Variants in ZSWIM6 observed in about 807,000 individuals in gnomAD.
ZSWIM6 encodes zinc finger SWIM-type containing 6.
A neutral mutation model predicts 113.2 loss-of-function variants in ZSWIM6; 9 were observed. That is an observed-to-expected ratio of 0.08 (90% CI 0.05 to 0.14). The LOEUF is 0.14. Among genes scored for constraint, ZSWIM6 ranks in the 10% least tolerant of loss-of-function variants. ZSWIM6 has a pLI of 1.00. For missense variants in ZSWIM6, 1,162 were observed against 1,552.2 expected, an observed-to-expected ratio of 0.75 and a Z score of 4.22; for synonymous variants, 611 against 606.5, an observed-to-expected ratio of 1.01 and a Z score of -0.11.
At chr5:61,392,654 G>T (rs1745747098) in intron 1 of ZSWIM6, among the ~76,000 whole-genome samples, 1 of 151,894 alleles carries the variant, frequency 6.6e-6, no homozygotes, top group Non-Finnish European at 1.5e-5. Context: ...GTGTTTTTAC[G>T]CAGGCTGGAG....
At position 61,414,422 on chromosome 5, in the gene ZSWIM6, G is replaced by T. The variant is rs1248635081; in HGVS notation, c.677-58259G>T. ...CAGTTTTGGGACGTGACAAATCAAGGGTTTAGTTTTGGACCTGAGTCTGAG... is the reference window on the plus strand; with the variant it reads ...CAGTTTTGGGACGTGACAAATCAAGTGTTTAGTTTTGGACCTGAGTCTGAG... On this transcript the variant is annotated intron_variant, in intron 1 of 13. Transcript: ENST00000252744. Among the ~76,000 whole-genome samples, 5 of 152,122 alleles carry T rather than the reference G, an allele frequency of 3.3e-5. 1 individual carries two copies. The highest frequency in any genetic ancestry group is 2.6e-4 in the Admixed American group (4 of 15,270).
chr5:61,531,461 G>T lies in ZSWIM6; in HGVS notation c.1985-4G>T. 1 of 1,532,466 alleles carries T rather than the reference G, an allele frequency of 6.5e-7. No individual in the cohort carries two copies. Among genetic ancestry groups the T allele is most frequent in the African/African-American group, 1.4e-5 (1 of 72,724 alleles). 94.9% of individuals were successfully genotyped at this position (1,532,466 alleles called of 1,614,324 possible). Reference sequence around the variant, plus strand: ...GCTCTGATTTCTTTTGTGGCATTTTGCAGAGAATATGGGACAGTGCAAGTC... The same window carrying T: ...GCTCTGATTTCTTTTGTGGCATTTTTCAGAGAATATGGGACAGTGCAAGTC... On this transcript the variant is annotated splice_polypyrimidine_tract_variant and splice_region_variant and intron_variant, in intron 8 of 13. Coordinates refer to ENST00000252744, the MANE Select transcript of ZSWIM6 (RefSeq NM_020928.2).
intron 1 of ZSWIM6, among the ~76,000 whole-genome samples, chr5:61,429,926 G>T (rs571691574): frequency 1.3e-5 from 2 of 152,334 alleles, no homozygotes; most frequent in Non-Finnish European, 2.9e-5. Context: ...GAATCATTTA[G>T]ATACATGAAT....
intron 8 of ZSWIM6, among the ~76,000 whole-genome samples, chr5:61,530,676 T>G (rs1749406684): frequency 6.6e-6 from 1 of 152,224 alleles, no homozygotes; most frequent in Non-Finnish European, 1.5e-5. Context: ...TTGAAAGCTG[T>G]GTTTTGAGAT....
At chr5:61,473,131 A>C (rs889441255) in intron 2 of ZSWIM6, 94 bp downstream of exon 2, 147 of 799,470 alleles carry the variant, frequency 1.8e-4, no homozygotes, top group Non-Finnish European at 2.6e-4. Context: ...TAAATGTGAA[A>C]TAGATCATCA....
intron 1 of ZSWIM6, among the ~76,000 whole-genome samples, chr5:61,427,797 A>G (rs142283028): frequency 0.015 from 2,331 of 152,262 alleles, 25 homozygotes; most frequent in Non-Finnish European, 0.026. Context: ...AATATTTTAA[A>G]TCTATGGTTG....
At chr5:61,541,364 A>AT (rs961181603) in intron 12 of ZSWIM6, among the ~76,000 whole-genome samples, 31 of 152,310 alleles carry the variant, frequency 2.0e-4, no homozygotes, top group African/African-American at 6.0e-4. Context: ...ATCAAGGATG[A>AT]TTTTTTCCCC....
intron 1 of ZSWIM6, among the ~76,000 whole-genome samples, chr5:61,450,692 A>G (rs1747067485): frequency 6.6e-6 from 1 of 152,202 alleles, no homozygotes; most frequent in African/African-American, 2.4e-5. Flanking sequence ...GTTACTAAAT[A>G]CAGGACTCCA....
chr5:61,348,878 C>A (rs1239869258), intron 1 of ZSWIM6, among the ~76,000 whole-genome samples: 1 of 152,114 alleles, frequency 6.6e-6, no homozygotes, highest in East Asian at 1.9e-4. Context: ...TAGAACAATC[C>A]CTTCTGTAAG....
chr5:61,540,891 T>G (rs1011511322), intron 12 of ZSWIM6, among the ~76,000 whole-genome samples: 27 of 150,976 alleles, frequency 1.8e-4, no homozygotes, highest in Non-Finnish European at 2.9e-4. Context: ...CCTCTGGGGA[T>G]ATGATGTCCC....
chr5:61,471,403 G>C (rs1464946943), intron 1 of ZSWIM6, among the ~76,000 whole-genome samples: 23 of 152,186 alleles, frequency 1.5e-4, no homozygotes, highest in Admixed American at 1.5e-3. Context: ...GCATGGAGGA[G>C]TTGTCCTCTG....
chr5:61,465,086 G>A (rs1747408595), intron 1 of ZSWIM6, among the ~76,000 whole-genome samples: 1 of 152,172 alleles, frequency 6.6e-6, no homozygotes, highest in Non-Finnish European at 1.5e-5. Flanking sequence ...CTTTAAGAAG[G>A]GTGGAAGGCC....
chr5:61,445,840 G>T (rs1157133834), intron 1 of ZSWIM6, among the ~76,000 whole-genome samples: 1 of 152,054 alleles, frequency 6.6e-6, no homozygotes, highest in African/African-American at 2.4e-5. Context: ...TTACCTTGGG[G>T]GTGACAGTGT....
At chr5:61,417,782 G>A (rs906130352) in intron 1 of ZSWIM6, among the ~76,000 whole-genome samples, 2 of 152,188 alleles carry the variant, frequency 1.3e-5, no homozygotes, top group African/African-American at 2.4e-5. Context: ...GAGTTTTGGA[G>A]AATGGGTAGA....
chr5:61,471,343 C>T (rs1747566037), intron 1 of ZSWIM6, among the ~76,000 whole-genome samples: 1 of 152,166 alleles, frequency 6.6e-6, no homozygotes, highest in African/African-American at 2.4e-5. Flanking sequence ...CTCCCCCTTA[C>T]CACCCACCCC....
chr5:61,356,159 GTCAGAA>G (rs1367836530), intron 1 of ZSWIM6, among the ~76,000 whole-genome samples: 1 of 152,216 alleles, frequency 6.6e-6, no homozygotes, highest in Non-Finnish European at 1.5e-5. Flanking sequence ...GGAGTGCAGT[GTCAGAA>G]TCATAGCTCA....
Position 61,332,336 on chromosome 5 carries a change from G to T in ZSWIM6, c.64G>T (p.Gly22Cys). The T allele has an allele frequency of 9.3e-7, 1 of 1,071,922 alleles. No homozygotes were observed. 66.4% of individuals were successfully genotyped at this position (1,071,922 alleles called of 1,614,324 possible). Residue 22 changes from glycine (G) to cysteine (C), a missense_variant, in exon 1 of 14, where the codon GGC (glycine) becomes TGC (cysteine). Physicochemically the swap from Gly to Cys is radical, Grantham distance 159. Coordinates refer to ENST00000252744, the MANE Select transcript of ZSWIM6 (RefSeq NM_020928.2). ...GCTTTGCTGCCGGCCGGGCGGCGGCGGCGGCGGCGGGGGCAGCAGCGGCGG... is the reference window on the plus strand; with the variant it reads ...GCTTTGCTGCCGGCCGGGCGGCGGCTGCGGCGGCGGGGGCAGCAGCGGCGG... ...KRLCCRPGGG[G>C]GGGGSSGGGG...
intron 1 of ZSWIM6, among the ~76,000 whole-genome samples, chr5:61,410,958 G>A (rs1020212794): frequency 6.6e-6 from 1 of 152,136 alleles, no homozygotes; most frequent in East Asian, 1.9e-4. Context: ...GGCAAAAAAC[G>A]CTTTTATGAA....
chr5:61,333,342 G>C (rs1356034177), intron 1 of ZSWIM6, among the ~76,000 whole-genome samples: 1 of 151,754 alleles, frequency 6.6e-6, no homozygotes, highest in Non-Finnish European at 1.5e-5. Flanking sequence ...GCGGGGCTGT[G>C]CGGGGCGGGG....
Sources: allele counts gnomAD v4.1 joint callset (sites outside exome capture counted in the v4.1 genomes callset), GRCh38; gene constraint gnomAD v4.1.1; transcripts MANE v1.5; gene names NCBI Gene and HGNC (gene_info 2026-07-23, HGNC 2026-07-21).